Variants in COL5A2 observed in about 807,000 individuals in gnomAD.
COL5A2 encodes collagen alpha-2(V) chain.
In COL5A2, 23 loss-of-function variants were observed where a neutral mutation model predicts 208.2. The observed-to-expected ratio is 0.11, with a 90% CI of 0.08 to 0.16. The LOEUF (loss-of-function observed/expected upper bound fraction) is 0.16. Ranked by LOEUF, COL5A2 falls within the 10% of genes least tolerant of loss-of-function variation. COL5A2 has a pLI of 1.00. For synonymous variants in COL5A2, 625 were observed against 628.5 expected, an observed-to-expected ratio of 0.99 and a Z score of 0.08; for missense variants, 1,590 against 1,956.4, an observed-to-expected ratio of 0.81 and a Z score of 3.53.
rs1685398554 is a variant in COL5A2 at position 189,034,278 on chromosome 2, G to T, written c.4354-62C>A. The stretch of plus-strand genomic sequence containing the variant: ...CAATTTTTTCCAAGTATGTTAGACA[G>T]CAACCTTCCCAGACACTTTTATAAT... On this transcript the variant is annotated intron_variant, in intron 53 of 53. Coordinates refer to ENST00000374866, the MANE Select transcript of COL5A2 (RefSeq NM_000393.5). 4.5e-6 allele frequency: 7 copies of T among 1,564,568 alleles called. No homozygotes were observed. The South Asian group carries it at 7.8e-5, about 17-fold the overall frequency.
chr2:189,280,478 C>T, the COL5A2 span, among the ~76,000 whole-genome samples: 5 of 152,010 alleles, frequency 3.3e-5, no homozygotes, highest in African/African-American at 9.7e-5. Flanking sequence ...TTATTTCTTA[C>T]ATTTTGCAAA....
upstream of COL5A2, among the ~76,000 whole-genome samples, chr2:189,181,609 G>A (rs897060537): frequency 1.3e-5 from 2 of 152,082 alleles, no homozygotes; most frequent in Non-Finnish European, 2.9e-5. Flanking sequence ...ACAATTTTCA[G>A]GCACCTTGTG....
the COL5A2 span, among the ~76,000 whole-genome samples, chr2:189,405,377 G>A: frequency 6.6e-6 from 1 of 151,852 alleles, no homozygotes; most frequent in Non-Finnish European, 1.5e-5. Context: ...GATTACAGGT[G>A]CCAGCTATGA....
chr2:189,085,891 T>G, intron 9 of COL5A2, 119 bp from the exon 10 acceptor site: 2 of 793,376 alleles, frequency 2.5e-6, no homozygotes, highest in Non-Finnish European at 4.3e-6. Flanking sequence ...TCCAGCTGTG[T>G]GACTTTGGGC....
intron 1 of COL5A2, among the ~76,000 whole-genome samples, chr2:189,137,838 A>G (rs1449124921): frequency 6.6e-6 from 1 of 152,210 alleles, no homozygotes; most frequent in Non-Finnish European, 1.5e-5. Flanking sequence ...AATTTTAAAG[A>G]GAAGATAGAA....
Position 189,059,585 on chromosome 2 carries a change from G to GTTTTTTTTTT in COL5A2, c.2086-702_2086-693dup, listed in dbSNP as rs71020980. Among the ~76,000 whole-genome samples the GTTTTTTTTTT allele has an allele frequency of 2.1e-3, 60 of 28,642 alleles. 12 individuals carry two copies. Among genetic ancestry groups the GTTTTTTTTTT allele is most frequent in the East Asian group, 8.0e-3 (7 of 872 alleles). The allele number at this position is 28,642 out of a possible 152,430, so 18.8% of individuals were successfully genotyped here. On this transcript the variant is annotated intron_variant, in intron 31 of 53. Coordinates refer to ENST00000374866, the MANE Select transcript of COL5A2 (RefSeq NM_000393.5). ...AAAAACCCTTCTTTTTTCTTTTCTG[G>GTTTTTTTTTT]TTTTTTTTTTTTTTTTTTTTTTTTT...
At chr2:189,100,885 A>G (rs1489263710) in intron 3 of COL5A2, among the ~76,000 whole-genome samples, 2 of 152,032 alleles carry the variant, frequency 1.3e-5, no homozygotes, top group Admixed American at 1.3e-4. Context: ...GTTTCTTAGA[A>G]CTTTTCTCAG....
At chr2:189,156,368 G>C (rs1688247321) in intron 1 of COL5A2, among the ~76,000 whole-genome samples, 1 of 152,052 alleles carries the variant, frequency 6.6e-6, no homozygotes, top group African/African-American at 2.4e-5. Flanking sequence ...TGGGGAACAA[G>C]TTTTGATATA....
the COL5A2 span, among the ~76,000 whole-genome samples, chr2:189,396,146 T>C: frequency 6.6e-6 from 1 of 152,124 alleles, no homozygotes; most frequent in Non-Finnish European, 1.5e-5. Flanking sequence ...AAGAAATTTA[T>C]AGATATTTTT....
At chr2:189,259,457 T>G in the COL5A2 span, among the ~76,000 whole-genome samples, 1 of 152,246 alleles carries the variant, frequency 6.6e-6, no homozygotes, top group Non-Finnish European at 1.5e-5. Context: ...GTCCCTAATT[T>G]AGACCAAATT....
At chr2:189,153,728 T>G (rs1326586020) in intron 1 of COL5A2, among the ~76,000 whole-genome samples, 3 of 152,030 alleles carry the variant, frequency 2.0e-5, no homozygotes, top group Non-Finnish European at 4.4e-5. Context: ...CTATATACTC[T>G]CTGGTTTCTG....
At chr2:189,316,512 T>TAA in the COL5A2 span, among the ~76,000 whole-genome samples, 1 of 149,998 alleles carries the variant, frequency 6.7e-6, no homozygotes, top group Non-Finnish European at 1.5e-5. Context: ...AATTAAAATG[T>TAA]AAAAAAAAAT....
chr2:189,331,219 T>C, the COL5A2 span, among the ~76,000 whole-genome samples: 1 of 152,160 alleles, frequency 6.6e-6, no homozygotes, highest in South Asian at 2.1e-4. Flanking sequence ...AGGAAAAGAA[T>C]CAGTGAAGTT....
the COL5A2 span, among the ~76,000 whole-genome samples, chr2:189,387,234 T>C: frequency 6.6e-6 from 1 of 152,080 alleles, no homozygotes; most frequent in Non-Finnish European, 1.5e-5. Flanking sequence ...AAATACCAAA[T>C]GTTCTCATTT....
At chr2:189,265,373 C>T in the COL5A2 span, among the ~76,000 whole-genome samples, 1 of 152,142 alleles carries the variant, frequency 6.6e-6, no homozygotes, top group Non-Finnish European at 1.5e-5. Context: ...AGCCCCCTTC[C>T]TTGACTCTCT....
the COL5A2 span, among the ~76,000 whole-genome samples, chr2:189,335,770 G>A: frequency 4.7e-4 from 72 of 152,078 alleles, 1 homozygote; most frequent in South Asian, 4.2e-3. Context: ...AGGAGAATGA[G>A]GAGTGAGTGC....
chr2:189,061,708 G>C, intron 29 of COL5A2, 93 bp from the exon 30 acceptor site: 1 of 945,008 alleles, frequency 1.1e-6, no homozygotes, highest in East Asian at 2.5e-5. Context: ...ATATTTATTT[G>C]TATTTCTTCC....
the COL5A2 span, among the ~76,000 whole-genome samples, chr2:189,421,191 A>G: frequency 2.6e-5 from 4 of 152,160 alleles, no homozygotes; most frequent in South Asian, 8.3e-4. Flanking sequence ...CCCACCACAC[A>G]CCTACTAAAT....
At chr2:189,358,335 A>G in the COL5A2 span, among the ~76,000 whole-genome samples, 2 of 152,184 alleles carry the variant, frequency 1.3e-5, no homozygotes, top group African/African-American at 2.4e-5. Context: ...TGTTGTTTTC[A>G]TGCCTGCTAA....
Sources: allele counts gnomAD v4.1 joint callset (sites outside exome capture counted in the v4.1 genomes callset), GRCh38; gene constraint gnomAD v4.1.1; transcripts MANE v1.5; gene names NCBI Gene and HGNC (gene_info 2026-07-23, HGNC 2026-07-21).